Variants in SNRPG observed in about 807,000 individuals in gnomAD.
SNRPG encodes small nuclear ribonucleoprotein G.
Under a neutral mutation model 13.9 loss-of-function variants are expected in SNRPG, and 3 were observed. The observed-to-expected ratio is 0.22, with a 90% CI of 0.10 to 0.56. SNRPG has a LOEUF of 0.56. Among genes scored for constraint, SNRPG ranks in the 20% least tolerant of loss-of-function variants. SNRPG has a pLI of 0.93. For missense variants in SNRPG, 34 were observed against 96.1 expected (o/e 0.35, Z 2.70); for synonymous variants, 29 against 29.3 (o/e 0.99, Z 0.03).
intron 3 of SNRPG, among the ~76,000 whole-genome samples, chr2:70,284,433 G>A (rs556763343): frequency 6.6e-6 from 1 of 152,140 alleles, no homozygotes; most frequent in South Asian, 2.1e-4. Context: ...ACCCAAGCTG[G>A]AATGCAGTGG....
At chr2:70,293,169 A>G in intron 1 of SNRPG, 1 of 702,454 alleles carries the variant, frequency 1.4e-6, no homozygotes, top group Admixed American at 2.0e-5. Flanking sequence ...ATTTGCTAAG[A>G]CTAAAGTGGC....
rs369021360 is a variant in SNRPG, at chr2:70,281,598, G to C, written c.*36C>G. The C allele has an allele frequency of 7.6e-5, 99 of 1,295,258 alleles. 1 individual carries two copies. Among genetic ancestry groups the C allele is most frequent in the Non-Finnish European group, 1.0e-4 (93 of 912,244 alleles). The allele number at this position is 1,295,258 out of a possible 1,614,324, so 80.2% of individuals were successfully genotyped here. On this transcript the variant is annotated 3_prime_UTR_variant, in exon 4 of 4. Transcript: ENST00000272348. ...ATCATAGTAAAACAGGCCCTATGGA[G>C]AGAGGACATGGGTTTCTCTGCTGAA...
intron 1 of SNRPG, among the ~76,000 whole-genome samples, chr2:70,290,103 A>G (rs1697045752): frequency 6.6e-6 from 1 of 151,484 alleles, no homozygotes; most frequent in South Asian, 2.1e-4. Context: ...CAGCCTCCCA[A>G]AGTGCCGCTG....
rs115865856 is a variant in SNRPG at position 70,282,449 on chromosome 2, G to A, written c.181-765C>T. On this transcript the variant is annotated intron_variant, in intron 3 of 3. Coordinates refer to ENST00000272348, the MANE Select transcript of SNRPG (RefSeq NM_003096.4). Reference sequence around the variant, plus strand: ...GCAGAATTTTGAAAAGGAGATTGTAGGAAATTCTAGACAGAACTAAGATGA... The same window carrying A: ...GCAGAATTTTGAAAAGGAGATTGTAAGAAATTCTAGACAGAACTAAGATGA... Among the ~76,000 whole-genome samples the A allele has an allele frequency of 1.6e-3, 243 of 152,268 alleles. 2 individuals are homozygous for A. The highest frequency in any genetic ancestry group is 5.6e-3 in the African/African-American group (232 of 41,546).
chr2:70,283,113 A>AAAAAAAAAAC (rs1696847946), intron 3 of SNRPG, among the ~76,000 whole-genome samples: 1 of 147,730 alleles, frequency 6.8e-6, no homozygotes, highest in African/African-American at 2.5e-5. Context: ...AAAAAAAAAA[A>AAAAAAAAAAC]AAAAAAAAAA....
intron 3 of SNRPG, among the ~76,000 whole-genome samples, chr2:70,283,096 CAAAAAAAAAAAAAAAAAAAAAAAAAA>C (rs57862220): frequency 7.1e-5 from 1 of 14,046 alleles, no homozygotes; most frequent in South Asian, 5.0e-3. Context: ...TGTCTTTTGT[CAAAAAAAAAAAAAAAAAAAAAAAAAA>C]AACAACAAAC....
At chr2:70,292,472 G>A (rs534360013) in intron 1 of SNRPG, among the ~76,000 whole-genome samples, 2 of 152,012 alleles carry the variant, frequency 1.3e-5, no homozygotes, top group African/African-American at 4.8e-5. Flanking sequence ...CTCAACCTCC[G>A]GAATAGCTGA....
chr2:70,293,377 C>G (rs773712287), intron 1 of SNRPG: 4 of 628,774 alleles, frequency 6.4e-6, no homozygotes, highest in African/African-American at 1.8e-5. Context: ...GACCGCGGGA[C>G]CTGGAGACTA....
intron 1 of SNRPG, chr2:70,292,870 G>A: frequency 2.2e-6 from 1 of 445,940 alleles, no homozygotes; most frequent in Non-Finnish European, 4.0e-6. Context: ...AACCTGTTAA[G>A]TCCACTCAAA....
At chr2:70,282,079 C>A (rs563880569) in intron 3 of SNRPG, among the ~76,000 whole-genome samples, 1 of 152,244 alleles carries the variant, frequency 6.6e-6, no homozygotes, top group South Asian at 2.1e-4. Flanking sequence ...CCACGCCCAG[C>A]TAATTTTTAT....
At chr2:70,287,241 A>G (rs761248340) in intron 3 of SNRPG, 40 of 690,262 alleles carry the variant, frequency 5.8e-5, no homozygotes, top group South Asian at 5.7e-4. Flanking sequence ...TAATAAATCA[A>G]GGCTAATAAT....
Position 70,293,657 on chromosome 2 carries a change from A to T in SNRPG, c.-8T>A, listed in dbSNP as rs1697164788. On this transcript the variant is annotated 5_prime_UTR_variant, in exon 1 of 4. Coordinates refer to ENST00000272348, the MANE Select transcript of SNRPG (RefSeq NM_003096.4). ...AGGGTGAGCTTTGCTCATGGTGTAT[A>T]CTCCGCGGGCTCACAGATGCCTTGG... The T allele has an allele frequency of 1.2e-6, 2 of 1,613,878 alleles. No homozygotes were observed. The highest frequency in any genetic ancestry group is 1.7e-6 in the Non-Finnish European group (2 of 1,179,858).
At chr2:70,287,815 G>C in intron 3 of SNRPG, 4 of 513,266 alleles carry the variant, frequency 7.8e-6, no homozygotes, top group Non-Finnish European at 1.4e-5. Context: ...CTCTATTGCA[G>C]AATAAAGCTC....
chr2:70,288,155 C>T lies in SNRPG; in HGVS notation c.93G>A (p.Leu31=), dbSNP rs369987454. 5.0e-6 allele frequency: 8 copies of T among 1,611,896 alleles called. No individual in the cohort carries two copies. Among genetic ancestry groups the T allele is most frequent in the Non-Finnish European group, 6.8e-6 (8 of 1,178,338 alleles). Residue 31 remains leucine, a synonymous_variant, in exon 3 of 4, where the codon TTG becomes TTA. Transcript: ENST00000272348. ...GGTTCATAAAGGGATCAAATCCCCG[C>T]AATATTCCTTGGACATGTCTGCCAC... ...LNGGRHVQGI[L]RGFDPFMNLV...
intron 1 of SNRPG, chr2:70,293,048 A>C: frequency 1.5e-6 from 1 of 677,422 alleles, no homozygotes; most frequent in East Asian, 2.7e-5. Flanking sequence ...GAATGTTCTT[A>C]TATAGTTTCA....
intron 1 of SNRPG, 29 bp from the exon 2 acceptor site, chr2:70,289,401 T>C (rs776408736): frequency 7.9e-7 from 1 of 1,263,184 alleles, no homozygotes; most frequent in Non-Finnish European, 1.1e-6. Flanking sequence ...AAAGATTATA[T>C]AACCAATTAA....
intron 3 of SNRPG, chr2:70,287,362 G>T (rs755571272): frequency 1.4e-6 from 1 of 702,562 alleles, no homozygotes; most frequent in Non-Finnish European, 2.6e-6. Context: ...GCTTTATTAG[G>T]TATGTTGTCC....
rs1380180316 is a variant in SNRPG, at chr2:70,281,385, T to TAAG, written c.*246_*248dup. ...AATCCTTGCCATGTTTCACATTTAATAAGATTCTTTCACTTTAATGCATAA... is the reference window on the plus strand; with the variant it reads ...AATCCTTGCCATGTTTCACATTTAATAAGAAGATTCTTTCACTTTAATGCATAA... On this transcript the variant is annotated 3_prime_UTR_variant, in exon 4 of 4. Transcript: ENST00000272348. The TAAG allele has an allele frequency of 1.3e-5, 4 of 310,946 alleles. No homozygotes were observed. The highest frequency in any genetic ancestry group is 6.6e-5 in the African/African-American group (3 of 45,722). 19.3% of individuals were successfully genotyped at this position (310,946 alleles called of 1,614,324 possible).
intron 3 of SNRPG, among the ~76,000 whole-genome samples, chr2:70,286,780 T>A (rs1455216253): frequency 1.3e-5 from 2 of 152,238 alleles, no homozygotes; most frequent in Non-Finnish European, 2.9e-5. Context: ...CAAAGCAGAA[T>A]TGACAATTAG....
Sources: gnomAD v4.1 joint callset for allele counts (sites outside exome capture counted in the v4.1 genomes callset) on GRCh38, gnomAD v4.1.1 for gene constraint, MANE v1.5 for transcripts, NCBI Gene and HGNC (gene_info 2026-07-23, HGNC 2026-07-21) for gene names.